DAB1: variants seen among roughly 807,000 people sequenced by gnomAD.
DAB1 encodes DAB adaptor protein 1.
A neutral mutation model predicts 64.6 loss-of-function variants in DAB1; 15 were observed. The ratio of observed to expected loss-of-function variants is 0.23; its 90% CI spans 0.16 to 0.36. DAB1 has a LOEUF of 0.36. DAB1 is among the 10% of genes least tolerant of loss of function. DAB1 has a pLI of 1.00. For missense variants in DAB1, 596 were observed against 706.7 expected, an observed-to-expected ratio of 0.84 and a Z score of 1.78; for synonymous variants, 235 against 251.9, an observed-to-expected ratio of 0.93 and a Z score of 0.64.
At chr1:58,228,389 A>G (rs1232590426) in intron 4 of DAB1, among the ~76,000 whole-genome samples, 1 of 152,162 alleles carries the variant, frequency 6.6e-6, no homozygotes, top group Non-Finnish European at 1.5e-5. Context: ...GGAAAGGGTA[A>G]TCTTGCTTTT....
At chr1:58,443,327 A>C (rs1017681297) in intron 3 of DAB1, among the ~76,000 whole-genome samples, 2 of 152,248 alleles carry the variant, frequency 1.3e-5, no homozygotes, top group Non-Finnish European at 2.9e-5. Flanking sequence ...CTAAATAGTT[A>C]ATGTAACAAA....
At chr1:57,806,499 C>A (rs1307968952) in intron 6 of DAB1, among the ~76,000 whole-genome samples, 1 of 152,154 alleles carries the variant, frequency 6.6e-6, no homozygotes, top group Non-Finnish European at 1.5e-5. Flanking sequence ...TGGCCACAAA[C>A]CCCAGAAGCT....
At chr1:57,157,149 C>CTA (rs1462225256) in intron 2 of DAB1, among the ~76,000 whole-genome samples, 2 of 152,172 alleles carry the variant, frequency 1.3e-5, no homozygotes, top group Non-Finnish European at 2.9e-5. Context: ...ACATCCAAGA[C>CTA]TATTATCTTA....
At chr1:57,031,281 T>A (rs1646959106) in intron 9 of DAB1, among the ~76,000 whole-genome samples, 1 of 152,176 alleles carries the variant, frequency 6.6e-6, no homozygotes, top group Admixed American at 6.5e-5. Flanking sequence ...TGGTCAAGAA[T>A]CTGAAATAGT....
At chr1:57,089,380 A>G (rs2100653467) in intron 4 of DAB1, among the ~76,000 whole-genome samples, 1 of 152,300 alleles carries the variant, frequency 6.6e-6, no homozygotes, top group South Asian at 2.1e-4. Context: ...TATAACAAAA[A>G]GATACGTAAT....
intron 5 of DAB1, among the ~76,000 whole-genome samples, chr1:58,125,743 G>C (rs139988385): frequency 6.6e-6 from 1 of 152,284 alleles, no homozygotes; most frequent in Non-Finnish European, 1.5e-5. Context: ...ACCATGCCCA[G>C]TCTCACCTTA....
intron 6 of DAB1, among the ~76,000 whole-genome samples, chr1:57,695,710 A>C (rs3126016): frequency 0.73 from 110,959 of 152,014 alleles, 41,433 homozygotes; most frequent in East Asian, 0.93. Context: ...ACCAGCCTGA[A>C]CAACATAGTG....
intron 7 of DAB1, among the ~76,000 whole-genome samples, chr1:57,528,844 A>C (rs1457744490): frequency 6.6e-6 from 1 of 152,112 alleles, no homozygotes. Context: ...AAATAAAGGA[A>C]AGTAACTAAA....
chr1:57,223,597 C>A (rs961036068), intron 2 of DAB1, among the ~76,000 whole-genome samples: 9 of 152,186 alleles, frequency 5.9e-5, no homozygotes, highest in Admixed American at 5.9e-4. Flanking sequence ...AAGCCACGCC[C>A]AAACAAGGAT....
At chr1:57,708,147 C>T (rs1646989096) in intron 6 of DAB1, among the ~76,000 whole-genome samples, 1 of 152,194 alleles carries the variant, frequency 6.6e-6, no homozygotes, top group Non-Finnish European at 1.5e-5. Context: ...GATGTTTTTG[C>T]AAGGCCCAAG....
At chr1:57,233,272 T>A in intron 2 of DAB1, among the ~76,000 whole-genome samples, 1 of 81,984 alleles carries the variant, frequency 1.2e-5, no homozygotes, top group East Asian at 7.5e-4. Flanking sequence ...TTTTTTTTTT[T>A]TTTTTTTTGA....
intron 1 of DAB1, among the ~76,000 whole-genome samples, chr1:57,296,055 C>CT (rs1445185621): frequency 6.6e-6 from 1 of 152,062 alleles, no homozygotes; most frequent in Non-Finnish European, 1.5e-5. Context: ...ATTCTGAGGT[C>CT]TTTTTAGCAG....
At chr1:58,061,296 C>T (rs568021951) in intron 5 of DAB1, among the ~76,000 whole-genome samples, 9 of 152,296 alleles carry the variant, frequency 5.9e-5, no homozygotes, top group Non-Finnish European at 8.8e-5. Context: ...ACAAACCGGG[C>T]GACTTCAACA....
intron 1 of DAB1, among the ~76,000 whole-genome samples, chr1:57,359,577 C>G (rs541015701): frequency 6.6e-6 from 1 of 152,124 alleles, no homozygotes; most frequent in African/African-American, 2.4e-5. Context: ...ATCCAGCAAT[C>G]TCACCACTGG....
rs199848074 is a variant in DAB1 at position 57,695,353 on chromosome 1, A to G, written n.552-45688T>C. Among the ~76,000 whole-genome samples the G allele has an allele frequency of 1.7e-3, 66 of 39,446 alleles. 1 individual carries two copies. The highest frequency in any genetic ancestry group is 4.7e-3 in the African/African-American group (59 of 12,624). The allele number at this position is 39,446 out of a possible 152,430, so 25.9% of individuals were successfully genotyped here. A position where few individuals can be genotyped will look rare whatever the true frequency, so the allele number is the denominator to read the frequency against. Reference sequence around the variant, plus strand: ...GAAAGAAAGAAAGAAAGAAAGAAAGAAAAGAAAGAAGAAAGAAAGAAAGAA... The same window carrying G: ...GAAAGAAAGAAAGAAAGAAAGAAAGGAAAGAAAGAAGAAAGAAAGAAAGAA... On this transcript the variant is annotated intron_variant and non_coding_transcript_variant, in intron 6 of 20. Transcript: ENST00000485760.
chr1:57,342,458 A>G (rs780007647), intron 1 of DAB1, among the ~76,000 whole-genome samples: 3 of 152,218 alleles, frequency 2.0e-5, no homozygotes, highest in Non-Finnish European at 4.4e-5. Context: ...CAAATAGTGG[A>G]TGCTCAATAA....
chr1:58,103,998 T>A (rs1222144997), intron 5 of DAB1, among the ~76,000 whole-genome samples: 1 of 152,204 alleles, frequency 6.6e-6, no homozygotes, highest in Non-Finnish European at 1.5e-5. Context: ...CACCTTCAGA[T>A]CCTTTGAAGA....
chr1:58,291,019 G>T (rs1162539778), intron 4 of DAB1, among the ~76,000 whole-genome samples: 1 of 152,178 alleles, frequency 6.6e-6, no homozygotes, highest in Non-Finnish European at 1.5e-5. Context: ...GAGAGAGAAA[G>T]AGAAATTGTC....
At chr1:58,247,840 A>C in intron 4 of DAB1, among the ~76,000 whole-genome samples, 1 of 114,448 alleles carries the variant, frequency 8.7e-6, no homozygotes, top group African/African-American at 3.4e-5. Flanking sequence ...CCTCTTTCCC[A>C]CTGTCTGGTT....
Sources: gnomAD v4.1 joint callset for allele counts (sites outside exome capture counted in the v4.1 genomes callset) on GRCh38, gnomAD v4.1.1 for gene constraint, MANE v1.5 for transcripts, NCBI Gene and HGNC (gene_info 2026-07-23, HGNC 2026-07-21) for gene names.